The following BRIP1 variants were observed in gnomAD, a reference collection of about 807,000 sequenced individuals.
The protein encoded by BRIP1 is BRCA1 interacting DNA helicase 1, also known as Fanconi anemia group J protein.
A neutral mutation model predicts 119.7 loss-of-function variants in BRIP1; 88 were observed. That is an observed-to-expected ratio of 0.74 (90% CI 0.62 to 0.88). BRIP1 has a LOEUF of 0.88. Among genes scored for constraint, BRIP1 ranks in the 40% least tolerant of loss-of-function variants. The pLI, the probability that BRIP1 is intolerant of heterozygous loss-of-function variation, is 0.00. For missense variants in BRIP1, 1,259 were observed against 1,455.4 expected, an observed-to-expected ratio of 0.87 and a Z score of 2.20; for synonymous variants, 443 against 496.5, an observed-to-expected ratio of 0.89 and a Z score of 1.43.
rs890136067 is a variant in BRIP1, at chr17:61,799,887, C to T, written c.1141-588G>A. On this transcript the variant is annotated intron_variant, in intron 8 of 19. Transcript: ENST00000259008. This position sits in a 1 kb window ranked among gnomAD's most constrained non-coding sequence, Gnocchi z 5.1. Reference sequence around the variant, plus strand: ...CAACTCCCATGTGATGCTGGCAGGACTATTAACCTGTGAATCAAAGGACAT... The same window carrying T: ...CAACTCCCATGTGATGCTGGCAGGATTATTAACCTGTGAATCAAAGGACAT... Among the ~76,000 whole-genome samples the T allele has an allele frequency of 5.9e-5, 9 of 152,000 alleles. No individual in the cohort carries two copies. The highest frequency in any genetic ancestry group is 2.2e-4 in the African/African-American group (9 of 41,394).
intron 11 of BRIP1, among the ~76,000 whole-genome samples, chr17:61,781,783 T>C (rs183793788): frequency 3.3e-5 from 5 of 151,508 alleles, no homozygotes; most frequent in African/African-American, 1.2e-4. Context: ...TAGCCAGGTG[T>C]GGTGGCAGTC....
At chr17:61,840,873 A>G (rs1419444633) in intron 6 of BRIP1, among the ~76,000 whole-genome samples, 2 of 151,376 alleles carry the variant, frequency 1.3e-5, no homozygotes, top group Non-Finnish European at 1.5e-5. Flanking sequence ...AAAAATAGAC[A>G]CATAGACCAA....
At chr17:61,765,384 TATATATATATATA>T (rs2077342697) in intron 14 of BRIP1, among the ~76,000 whole-genome samples, 1 of 21,976 alleles carries the variant, frequency 4.6e-5, no homozygotes, top group African/African-American at 1.8e-4. Context: ...ATATATTATA[TATATATATATATA>T]TATATATATA....
At position 61,762,994 on chromosome 17, in the gene BRIP1, A is replaced by G. The variant is rs2077300051; in HGVS notation, c.2097+13407T>C. 6.6e-6 allele frequency among the ~76,000 whole-genome samples: 1 copy of G among 152,168 alleles called. No individual in the cohort carries two copies. The highest frequency in any genetic ancestry group is 2.4e-5 in the African/African-American group (1 of 41,452). On this transcript the variant is annotated intron_variant, in intron 14 of 19. Coordinates refer to ENST00000259008, the MANE Select transcript of BRIP1 (RefSeq NM_032043.3). The surrounding 1 kb of genome is among the most constrained non-coding windows in gnomAD (Gnocchi z 4.3). ...TTATGCTAAGTGAAATAAGCCAGGC[A>G]CAGAAAGATAAATGTCTCATGCCCT... is the stretch of plus-strand genomic sequence containing the variant.
At position 61,743,392 on chromosome 17, in the gene BRIP1, A is replaced by T. The variant is rs1179574031; in HGVS notation, c.2258-258T>A. Reference sequence around the variant, plus strand: ...TCCAGATAACTTATACAGTAAAAACATGTCAGAATAGCAACTTGCATATGA... The same window carrying T: ...TCCAGATAACTTATACAGTAAAAACTTGTCAGAATAGCAACTTGCATATGA... On this transcript the variant is annotated intron_variant, in intron 15 of 19. Transcript: ENST00000259008. This position sits in a 1 kb window ranked among gnomAD's most constrained non-coding sequence, Gnocchi z 4.3. 1.3e-5 allele frequency among the ~76,000 whole-genome samples: 2 copies of T among 152,230 alleles called. No homozygotes were observed. Among genetic ancestry groups the T allele is most frequent in the Non-Finnish European group, 2.9e-5 (2 of 68,036 alleles).
rs1276632398 is a variant in BRIP1 at position 61,717,521 on chromosome 17, G to C, written c.2380-1458C>G. ...CTTGATCAAGAATTCTAAATTGACA[G>C]GTTTTTTCTTTTGTTAAAGACGGCT... On this transcript the variant is annotated intron_variant, in intron 16 of 19. Coordinates refer to ENST00000259008, the MANE Select transcript of BRIP1 (RefSeq NM_032043.3). This position sits in a 1 kb window ranked among gnomAD's most constrained non-coding sequence, Gnocchi z 4.1. Among the ~76,000 whole-genome samples, 3 of 151,954 alleles carry C rather than the reference G, an allele frequency of 2.0e-5. No individual in the cohort carries two copies. In the East Asian group the frequency reaches 5.8e-4, roughly 29 times the overall value.
In BRIP1 at chr17:61,846,749, C is replaced by T. The variant is rs925930536; in HGVS notation, c.627+352G>A. Among the ~76,000 whole-genome samples the T allele has an allele frequency of 1.3e-5, 2 of 152,156 alleles. No individual in the cohort carries two copies. Among genetic ancestry groups the T allele is most frequent in the African/African-American group, 4.8e-5 (2 of 41,438 alleles). Reference sequence around the variant, plus strand: ...CTCACAGATCACTCCCCAAAAAAATCTCAATATCTAGAACTCCTTGGACTA... The same window carrying T: ...CTCACAGATCACTCCCCAAAAAAATTTCAATATCTAGAACTCCTTGGACTA... On this transcript the variant is annotated intron_variant, in intron 6 of 19. Coordinates refer to ENST00000259008, the MANE Select transcript of BRIP1 (RefSeq NM_032043.3). The surrounding 1 kb of genome is among the most constrained non-coding windows in gnomAD (Gnocchi z 4.3).
intron 4 of BRIP1, among the ~76,000 whole-genome samples, chr17:61,850,293 G>A (rs2078799388): frequency 6.6e-6 from 1 of 151,458 alleles, no homozygotes; most frequent in African/African-American, 2.4e-5. Context: ...ATAGAGACGG[G>A]GTTTCTCCAT....
chr17:61,698,849 G>A (rs1350980879), intron 17 of BRIP1, among the ~76,000 whole-genome samples: 3 of 151,646 alleles, frequency 2.0e-5, no homozygotes, highest in African/African-American at 7.3e-5. Context: ...TGAATAGCTG[G>A]GATTATAGGC....
At position 61,808,361 on chromosome 17, in the gene BRIP1, A is replaced by T. The variant is rs1054696280; in HGVS notation, c.918+106T>A. On this transcript the variant is annotated intron_variant, in intron 7 of 19. Transcript: ENST00000259008. This position sits in a 1 kb window ranked among gnomAD's most constrained non-coding sequence, Gnocchi z 4.1. Reference sequence around the variant, plus strand: ...GATATCAATACTAGCAGTTAATTTGATTTTCCGAAGTTGATTATCACTAAA... The same window carrying T: ...GATATCAATACTAGCAGTTAATTTGTTTTTCCGAAGTTGATTATCACTAAA... 3.3e-6 allele frequency: 4 copies of T among 1,215,928 alleles called. No homozygotes were observed. The highest frequency in any genetic ancestry group is 4.7e-6 in the Non-Finnish European group (4 of 846,040). The allele number at this position is 1,215,928 out of a possible 1,614,324, so 75.3% of individuals were successfully genotyped here. A position where few individuals can be genotyped will look rare whatever the true frequency, so the allele number is the denominator to read the frequency against.
Position 61,713,313 on chromosome 17 carries a change from AAAAAAGTTAACTAT to A in BRIP1, c.2492+2624_2492+2637del. 6.6e-6 allele frequency among the ~76,000 whole-genome samples: 1 copy of A among 152,216 alleles called. No individual in the cohort carries two copies. Among genetic ancestry groups the A allele is most frequent in the South Asian group, 2.1e-4 (1 of 4,810 alleles). ...GTGTACTCCTTTCACTTACATTAAAAAAAAAGTTAACTATAAAACAGCTTCAGGCAGATCCCTCA... is the reference window on the plus strand; with the variant it reads ...GTGTACTCCTTTCACTTACATTAAAAAAAACAGCTTCAGGCAGATCCCTCA... On this transcript the variant is annotated intron_variant, in intron 17 of 19. Transcript: ENST00000259008. The surrounding 1 kb of genome is among the most constrained non-coding windows in gnomAD (Gnocchi z 4.9).
chr17:61,737,881 G>A (rs182268941), intron 16 of BRIP1, among the ~76,000 whole-genome samples: 4 of 152,254 alleles, frequency 2.6e-5, no homozygotes, highest in African/African-American at 4.8e-5. Flanking sequence ...TGCCATGTGC[G>A]GTAGAAATTA....
Position 61,816,981 on chromosome 17 carries a change from C to G in BRIP1, c.628-8224G>C, listed in dbSNP as rs2078246624. On this transcript the variant is annotated intron_variant, in intron 6 of 19. Coordinates refer to ENST00000259008, the MANE Select transcript of BRIP1 (RefSeq NM_032043.3). This position sits in a 1 kb window ranked among gnomAD's most constrained non-coding sequence, Gnocchi z 5.0. ...TTAGGGAACAGAATATTGACAAAGT[C>G]TCAAAATATCACCCCACAGATTATT... Among the ~76,000 whole-genome samples, 1 of 152,134 alleles carries G rather than the reference C, an allele frequency of 6.6e-6. No individual in the cohort carries two copies. Among genetic ancestry groups the G allele is most frequent in the Non-Finnish European group, 1.5e-5 (1 of 68,018 alleles).
rs1458114588 is a variant in BRIP1, at chr17:61,822,696, G to A, written c.628-13939C>T. Among the ~76,000 whole-genome samples, 1 of 151,950 alleles carries A rather than the reference G, an allele frequency of 6.6e-6. No individual in the cohort carries two copies. Among genetic ancestry groups the A allele is most frequent in the African/African-American group, 2.4e-5 (1 of 41,358 alleles). On this transcript the variant is annotated intron_variant, in intron 6 of 19. Coordinates refer to ENST00000259008, the MANE Select transcript of BRIP1 (RefSeq NM_032043.3). This position sits in a 1 kb window ranked among gnomAD's most constrained non-coding sequence, Gnocchi z 4.4. ...TAAGGAAAAGAATCAATAGAAAGGA[G>A]GAAAAATAATTGACAAACATCCAGT...
chr17:61,691,876 T>C lies in BRIP1; in HGVS notation c.2575+1554A>G, dbSNP rs1353195641. Among the ~76,000 whole-genome samples, 2 of 152,156 alleles carry C rather than the reference T, an allele frequency of 1.3e-5. No individual in the cohort carries two copies. Among genetic ancestry groups the C allele is most frequent in the African/African-American group, 4.8e-5 (2 of 41,436 alleles). ...AAAATACATTACACAGCTGTAGTAG[T>C]CAAAAAAGTATGGTACTGGCATAAA... On this transcript the variant is annotated intron_variant, in intron 18 of 19. Transcript: ENST00000259008. This position sits in a 1 kb window ranked among gnomAD's most constrained non-coding sequence, Gnocchi z 5.0.
Position 61,761,202 on chromosome 17 carries a change from A to G in BRIP1, c.2097+15199T>C, listed in dbSNP as rs1186289670. 6.6e-6 allele frequency among the ~76,000 whole-genome samples: 1 copy of G among 152,032 alleles called. No homozygotes were observed. The highest frequency in any genetic ancestry group is 2.4e-5 in the African/African-American group (1 of 41,436). Reference sequence around the variant, plus strand: ...GAAAAATCATTTGACAAAATTCAACATCCTTTCCTGAGAAAAACTTTTACT... The same window carrying G: ...GAAAAATCATTTGACAAAATTCAACGTCCTTTCCTGAGAAAAACTTTTACT... On this transcript the variant is annotated intron_variant, in intron 14 of 19. Transcript: ENST00000259008. The surrounding 1 kb of genome is among the most constrained non-coding windows in gnomAD (Gnocchi z 6.4).
rs2144936700 is a variant in BRIP1, at chr17:61,768,715, T to C, written c.2097+7686A>G. 6.6e-6 allele frequency among the ~76,000 whole-genome samples: 1 copy of C among 152,288 alleles called. No homozygotes were observed. Among genetic ancestry groups the C allele is most frequent in the African/African-American group, 2.4e-5 (1 of 41,550 alleles). ...TCCTACTCCCTATATACAACCTGCATAAACTTCTCCCCGTTGTGAGATAAA... is the reference window on the plus strand; with the variant it reads ...TCCTACTCCCTATATACAACCTGCACAAACTTCTCCCCGTTGTGAGATAAA... On this transcript the variant is annotated intron_variant, in intron 14 of 19. Transcript: ENST00000259008. The surrounding 1 kb of genome is among the most constrained non-coding windows in gnomAD (Gnocchi z 5.0).
chr17:61,711,010 G>T (rs1431325538), intron 17 of BRIP1, among the ~76,000 whole-genome samples: 1 of 149,236 alleles, frequency 6.7e-6, no homozygotes, highest in African/African-American at 2.5e-5. Flanking sequence ...CACTGCACTG[G>T]GCGACAGAGC....
Position 61,722,523 on chromosome 17 carries a change from A to C in BRIP1, c.2380-6460T>G, listed in dbSNP as rs745809969. 2.3e-4 allele frequency among the ~76,000 whole-genome samples: 35 copies of C among 152,240 alleles called. No individual in the cohort carries two copies. The highest frequency in any genetic ancestry group is 1.2e-4 in the Non-Finnish European group (8 of 68,040). ...GGAAAAATATATGTATTTCCTACCT[A>C]TCTCTCAAAAATGTAACTAAAGCAG... On this transcript the variant is annotated intron_variant, in intron 16 of 19. Transcript: ENST00000259008. This position sits in a 1 kb window ranked among gnomAD's most constrained non-coding sequence, Gnocchi z 4.6.
Sources: allele counts gnomAD v4.1 joint callset (sites outside exome capture counted in the v4.1 genomes callset), GRCh38; gene constraint gnomAD v4.1.1; non-coding constraint Gnocchi (gnomAD v3.1); transcripts MANE v1.5; gene names NCBI Gene and HGNC (gene_info 2026-07-23, HGNC 2026-07-21).